WNT8B: variants seen among roughly 807,000 people sequenced by gnomAD.
The protein encoded by WNT8B is Wnt family member 8B.
WNT8B carries 24 observed loss-of-function variants against 36.6 expected under a neutral mutation model. That is an observed-to-expected ratio of 0.66 (90% CI 0.48 to 0.92). The LOEUF is 0.92. Ranked by LOEUF, WNT8B falls within the 40% of genes least tolerant of loss-of-function variation. The probability of loss-of-function intolerance (pLI) is 0.00; values close to 1 mark genes in which losing one functional copy is unlikely to be tolerated. For synonymous variants in WNT8B, 199 were observed against 189.8 expected (o/e 1.05, Z -0.40); for missense variants, 402 against 470.8 (o/e 0.85, Z 1.35).
chr10:100,478,242 G>A (rs1288972454), intron 1 of WNT8B, among the ~76,000 whole-genome samples: 1 of 152,200 alleles, frequency 6.6e-6, no homozygotes. Flanking sequence ...GGAGTCAGAT[G>A]AATGTGGATT....
At chr10:100,477,794 T>G (rs984368149) in intron 1 of WNT8B, among the ~76,000 whole-genome samples, 6 of 109,452 alleles carry the variant, frequency 5.5e-5, no homozygotes, top group East Asian at 4.7e-4. Flanking sequence ...GTTTTTTTTT[T>G]GGGACAGAAT....
At chr10:100,470,831 T>C (rs1220495549) in intron 1 of WNT8B, among the ~76,000 whole-genome samples, 1 of 152,198 alleles carries the variant, frequency 6.6e-6, no homozygotes, top group East Asian at 1.9e-4. Context: ...AACCTCCGCC[T>C]CCCAGGTTCA....
At chr10:100,478,096 T>C (rs964744875) in intron 1 of WNT8B, among the ~76,000 whole-genome samples, 1 of 152,204 alleles carries the variant, frequency 6.6e-6, no homozygotes, top group Non-Finnish European at 1.5e-5. Context: ...TTTTTAGTTT[T>C]AAAAGGGGCA....
At position 100,483,393 on chromosome 10, in the gene WNT8B, G is replaced by A. The variant is rs1018037221; in HGVS notation, c.*577G>A. On this transcript the variant is annotated 3_prime_UTR_variant, in exon 6 of 6. Coordinates refer to ENST00000343737, the MANE Select transcript of WNT8B (RefSeq NM_003393.4). ...AGCATGTCTTTGGGGTTGGTTCCTA[G>A]AGGCAGAGGTTGAAGATGGAAGAGG... is the stretch of plus-strand genomic sequence containing the variant. 3 of 152,260 alleles carry A rather than the reference G, an allele frequency of 2.0e-5. No individual in the cohort carries two copies. The highest frequency in any genetic ancestry group is 7.2e-5 in the African/African-American group (3 of 41,444). 9.4% of individuals were successfully genotyped at this position (152,260 alleles called of 1,614,324 possible).
chr10:100,473,651 A>G (rs1012840886), intron 1 of WNT8B, among the ~76,000 whole-genome samples: 2 of 152,112 alleles, frequency 1.3e-5, no homozygotes, highest in African/African-American at 4.8e-5. Flanking sequence ...TATGGGTTGG[A>G]CATGGTGGCT....
chr10:100,482,476 G>T lies in WNT8B; in HGVS notation c.716G>T (p.Arg239Leu), dbSNP rs1332739277. The change falls in exon 6 of 6, where the codon CGC (arginine) becomes CTC (leucine). Residue 239 changes from arginine to leucine, a missense_variant. Coordinates refer to ENST00000343737, the MANE Select transcript of WNT8B (RefSeq NM_003393.4). This position sits in a 1 kb window ranked among gnomAD's most constrained non-coding sequence, Gnocchi z 6.6. ...CGCGGCGCCATCGCCGACACCTTTC[G>T]CTCCATCTCTACCCGGGAGCTGGTG... is the stretch of plus-strand genomic sequence containing the variant. ...AGRGAIADTF[R>L]SISTRELVHL... The T allele has an allele frequency of 1.2e-6, 2 of 1,603,388 alleles. No homozygotes were observed. The highest frequency in any genetic ancestry group is 1.7e-6 in the Non-Finnish European group (2 of 1,179,798).
intron 1 of WNT8B, among the ~76,000 whole-genome samples, chr10:100,471,292 C>A (rs1398067456): frequency 6.6e-6 from 1 of 152,212 alleles, no homozygotes; most frequent in Non-Finnish European, 1.5e-5. Context: ...GTATCCCCTC[C>A]CCACCTCTGC....
At chr10:100,477,592 C>G (rs558443421) in intron 1 of WNT8B, among the ~76,000 whole-genome samples, 11 of 152,264 alleles carry the variant, frequency 7.2e-5, no homozygotes, top group African/African-American at 2.4e-4. Context: ...AGCCACCGCA[C>G]CCGGCCACAG....
Position 100,483,014 on chromosome 10 carries a change from G to T in WNT8B, c.*198G>T. On this transcript the variant is annotated 3_prime_UTR_variant, in exon 6 of 6. Transcript: ENST00000343737. ...TCTGTGCTCTCCTAGAGCTCTGTCT[G>T]AATCCTCGCAGCCACACCTAGGTCT... 2.1e-5 allele frequency: 12 copies of T among 581,990 alleles called. No individual in the cohort carries two copies. Among genetic ancestry groups the T allele is most frequent in the Admixed American group, 7.5e-5 (2 of 26,834 alleles). The allele number at this position is 581,990 out of a possible 1,614,324, so 36.1% of individuals were successfully genotyped here. A position where few individuals can be genotyped will look rare whatever the true frequency, so the allele number is the denominator to read the frequency against.
chr10:100,479,784 G>A, intron 2 of WNT8B, 90 bp from the exon 3 acceptor site: 1 of 1,500,878 alleles, frequency 6.7e-7, no homozygotes, highest in Non-Finnish European at 9.1e-7. Context: ...TTGGAGGGAT[G>A]GGAGAGTGAG....
chr10:100,478,068 G>A (rs1237314056), intron 1 of WNT8B, among the ~76,000 whole-genome samples: 2 of 152,060 alleles, frequency 1.3e-5, no homozygotes, highest in Middle Eastern at 3.2e-3. Flanking sequence ...ATGGGCGTGA[G>A]CCACTGTGCC....
At chr10:100,470,243 A>C (rs1374877948) in intron 1 of WNT8B, among the ~76,000 whole-genome samples, 1 of 152,116 alleles carries the variant, frequency 6.6e-6, no homozygotes, top group Non-Finnish European at 1.5e-5. Context: ...TTCCCACTTC[A>C]GCCTCCTGAG....
chr10:100,473,271 G>A (rs1697716721), intron 1 of WNT8B, among the ~76,000 whole-genome samples: 1 of 152,126 alleles, frequency 6.6e-6, no homozygotes, highest in African/African-American at 2.4e-5. Context: ...TTAAATAATA[G>A]CTTTATTGAA....
At chr10:100,464,018 G>A (rs1353815701) in intron 1 of WNT8B, among the ~76,000 whole-genome samples, 1 of 152,142 alleles carries the variant, frequency 6.6e-6, no homozygotes, top group South Asian at 2.1e-4. Context: ...CAGGTTGCTA[G>A]GGTGTTCGGA....
chr10:100,476,860 C>T (rs1851045026), intron 1 of WNT8B, among the ~76,000 whole-genome samples: 1 of 152,220 alleles, frequency 6.6e-6, no homozygotes, highest in African/African-American at 2.4e-5. Context: ...GAACATCTTA[C>T]AACGTTAGTA....
At chr10:100,464,613 A>G (rs1159379066) in intron 1 of WNT8B, among the ~76,000 whole-genome samples, 1 of 152,196 alleles carries the variant, frequency 6.6e-6, no homozygotes, top group Admixed American at 6.5e-5. Context: ...ATACTGACAC[A>G]GCCACACTGA....
Position 100,480,970 on chromosome 10 carries a change from C to A in WNT8B, c.242-28C>A, listed in dbSNP as rs771681125. ...TTTCTTTAAGCTGAAACCCCTCCCT[C>A]TAACTCTGGATTTTTGGTTCCTGCT... On this transcript the variant is annotated intron_variant, in intron 3 of 5. Coordinates refer to ENST00000343737, the MANE Select transcript of WNT8B (RefSeq NM_003393.4). 5.0e-6 allele frequency: 8 copies of A among 1,611,996 alleles called. No individual in the cohort carries two copies. In the Admixed American group the frequency reaches 1.3e-4, roughly 27 times the overall value.
intron 3 of WNT8B, among the ~76,000 whole-genome samples, 169 bp from the exon 4 acceptor site, chr10:100,480,829 C>T (rs1439210516): frequency 6.6e-6 from 1 of 151,940 alleles, no homozygotes. Context: ...CATAGTGAGA[C>T]CGACTCTCTG....
intron 1 of WNT8B, 103 bp downstream of exon 1, chr10:100,463,339 C>T (rs533711064): frequency 5.0e-6 from 6 of 1,196,378 alleles, no homozygotes; most frequent in Non-Finnish European, 7.2e-6. Flanking sequence ...GCCTTGATAG[C>T]TCTCCTAGGA....
Sources: allele counts gnomAD v4.1 joint callset (sites outside exome capture counted in the v4.1 genomes callset), GRCh38; gene constraint gnomAD v4.1.1; non-coding constraint Gnocchi (gnomAD v3.1); transcripts MANE v1.5; gene names NCBI Gene and HGNC (gene_info 2026-07-23, HGNC 2026-07-21).